The following PLEKHG5 variants were observed in gnomAD, a reference collection of about 807,000 sequenced individuals.
The protein encoded by PLEKHG5 is pleckstrin homology and RhoGEF domain containing G5, also known as pleckstrin homology domain-containing family G member 5.
PLEKHG5 carries 52 observed loss-of-function variants against 103.8 expected under a neutral mutation model. The ratio of observed to expected loss-of-function variants is 0.50; its 90% CI spans 0.40 to 0.63. The LOEUF is 0.63. Among genes scored for constraint, PLEKHG5 ranks in the 30% least tolerant of loss-of-function variants. The pLI is 0.00. For missense variants in PLEKHG5, 1,205 were observed against 1,347.6 expected (o/e 0.89, Z 1.66); for synonymous variants, 592 against 575.5 (o/e 1.03, Z -0.41).
At chr1:6,497,686 G>C (rs1645249365), upstream of PLEKHG5, among the ~76,000 whole-genome samples, 1 of 152,102 alleles carries the variant, frequency 6.6e-6, no homozygotes, top group Admixed American at 6.5e-5. This position sits in a 1 kb window ranked among gnomAD's most constrained non-coding sequence, Gnocchi z 6.1. Flanking sequence ...CAGGAATGCA[G>C]GCCGGGAGCC....
At chr1:6,482,135 C>T (rs940464268) in intron 1 of PLEKHG5, among the ~76,000 whole-genome samples, 2 of 152,064 alleles carry the variant, frequency 1.3e-5, no homozygotes, top group African/African-American at 4.8e-5. Flanking sequence ...GCCTTCCCTC[C>T]CCTCCTGCTA....
rs374745674 is a variant in PLEKHG5 at position 6,505,327 on chromosome 1, G to C, written c.-164-8758C>G. ...GCCTACGGTGCCGACCAGCTGAGCT[G>C]AGCGGACAGAATGGGCATCCGACAG... On this transcript the variant is annotated intron_variant, in intron 1 of 21. Transcript: ENST00000377740. This position sits in a 1 kb window ranked among gnomAD's most constrained non-coding sequence, Gnocchi z 4.2. Among the ~76,000 whole-genome samples, 3 of 152,050 alleles carry C rather than the reference G, an allele frequency of 2.0e-5. No individual in the cohort carries two copies. The highest frequency in any genetic ancestry group is 4.8e-5 in the African/African-American group (2 of 41,388).
chr1:6,474,880 C>T (rs1644712866), intron 5 of PLEKHG5, 167 bp downstream of exon 5: 1 of 735,722 alleles, frequency 1.4e-6, no homozygotes, highest in Non-Finnish European at 2.5e-6. Context: ...CACCGCACTC[C>T]CTCACACTGG....
intron 1 of PLEKHG5, among the ~76,000 whole-genome samples, chr1:6,514,587 C>A (rs1557773764): frequency 6.6e-6 from 1 of 151,386 alleles, no homozygotes; most frequent in African/African-American, 2.4e-5. Context: ...ATGGTGAAAC[C>A]TTGTCTCTAC....
intron 1 of PLEKHG5, among the ~76,000 whole-genome samples, chr1:6,507,268 G>A (rs1046334073): frequency 2.0e-5 from 3 of 152,172 alleles, no homozygotes; most frequent in Non-Finnish European, 4.4e-5. Flanking sequence ...TGAGGAAGCT[G>A]AGGCTCAGCT....
At chr1:6,517,772 G>C (rs952264123) in intron 1 of PLEKHG5, among the ~76,000 whole-genome samples, 1 of 152,174 alleles carries the variant, frequency 6.6e-6, no homozygotes, top group Non-Finnish European at 1.5e-5. Context: ...AAACAGAAGG[G>C]TCCATGGCCC....
At position 6,470,864 on chromosome 1, in the gene PLEKHG5, C is replaced by T; in HGVS notation, c.1413G>A (p.Gln471=). ...TGTCGCTCAGCTTCAGCCTCTGGCA[C>T]TGTGGGTGCTTCTCCGCCCACTGCG... ...AYITWAEKHP[Q]CQRLKLSDML... The change falls in exon 14 of 21, where the codon CAG becomes CAA. Residue 471 remains glutamine (Q), a synonymous_variant. Coordinates refer to ENST00000377728, the MANE Select transcript of PLEKHG5 (RefSeq NM_020631.6). 5 of 1,572,408 alleles carry T rather than the reference C, an allele frequency of 3.2e-6. No individual in the cohort carries two copies. Among genetic ancestry groups the T allele is most frequent in the Non-Finnish European group, 4.3e-6 (5 of 1,158,790 alleles).
At chr1:6,492,501 A>G (rs543732755), upstream of PLEKHG5, among the ~76,000 whole-genome samples, 40 of 152,150 alleles carry the variant, frequency 2.6e-4, no homozygotes, top group Admixed American at 5.9e-4. Flanking sequence ...ACCTGTGTGC[A>G]AGAAGCTGGG....
At chr1:6,503,637 TGACCTTAGGTGATCCACCC>T (rs1645320085) in intron 1 of PLEKHG5, among the ~76,000 whole-genome samples, 1 of 152,160 alleles carries the variant, frequency 6.6e-6, no homozygotes, top group Non-Finnish European at 1.5e-5. Flanking sequence ...CTTGAAGTCC[TGACCTTAGGTGATCCACCC>T]GCCTCGGCCT....
Position 6,505,232 on chromosome 1 carries a change from C to T in PLEKHG5, c.-164-8663G>A, listed in dbSNP as rs1467798787. On this transcript the variant is annotated intron_variant, in intron 1 of 21. Coordinates refer to the PLEKHG5 transcript ENST00000377740. This position sits in a 1 kb window ranked among gnomAD's most constrained non-coding sequence, Gnocchi z 4.2. ...AAGCTCCCTGACAGAGCTAGGTCCC[C>T]AGCCCACAGTGCCGGTCAGCCCACT... is the stretch of plus-strand genomic sequence containing the variant. Among the ~76,000 whole-genome samples, 1 of 152,144 alleles carries T rather than the reference C, an allele frequency of 6.6e-6. No homozygotes were observed. Among genetic ancestry groups the T allele is most frequent in the Non-Finnish European group, 1.5e-5 (1 of 68,010 alleles).
At chr1:6,510,197 G>T (rs575030963) in intron 1 of PLEKHG5, among the ~76,000 whole-genome samples, 2 of 152,334 alleles carry the variant, frequency 1.3e-5, no homozygotes, top group East Asian at 1.9e-4. Flanking sequence ...AATCTGGAGA[G>T]AGTGGGCGCT....
chr1:6,504,693 C>T (rs1037613812), intron 1 of PLEKHG5, among the ~76,000 whole-genome samples: 9 of 151,980 alleles, frequency 5.9e-5, no homozygotes, highest in South Asian at 4.2e-4. Context: ...CCTCAGCCTC[C>T]GGAGTAACTG....
chr1:6,506,417 T>TCCCGG (rs1202323037), intron 1 of PLEKHG5, among the ~76,000 whole-genome samples: 6 of 152,050 alleles, frequency 3.9e-5, no homozygotes, highest in African/African-American at 1.4e-4. Context: ...AATTTCGCCT[T>TCCCGG]CCCGGCCCCC....
At chr1:6,499,137 CTG>C (rs1317557571), upstream of PLEKHG5, among the ~76,000 whole-genome samples, 3 of 152,210 alleles carry the variant, frequency 2.0e-5, no homozygotes, top group Non-Finnish European at 4.4e-5. Flanking sequence ...TCTCAAAACT[CTG>C]AGCCTGGGGT....
intron 1 of PLEKHG5, among the ~76,000 whole-genome samples, chr1:6,479,662 G>A (rs1469684348): frequency 6.6e-6 from 1 of 151,966 alleles, no homozygotes; most frequent in East Asian, 1.9e-4. Context: ...GCCCAGGCTG[G>A]AGTAGTATGG....
At chr1:6,474,300 C>A in intron 6 of PLEKHG5, 136 bp from the exon 7 acceptor site, 1 of 1,326,150 alleles carries the variant, frequency 7.5e-7, no homozygotes, top group Non-Finnish European at 1.1e-6. Context: ...CAGCACCCTC[C>A]CCTCCCCCAG....
rs1361958185 is a variant in PLEKHG5 at position 6,517,522 on chromosome 1, C to T, written c.-165+1923G>A. 2.0e-5 allele frequency among the ~76,000 whole-genome samples: 3 copies of T among 152,134 alleles called. No individual in the cohort carries two copies. The East Asian group carries it at 5.8e-4, about 29-fold the overall frequency. On this transcript the variant is annotated intron_variant, in intron 1 of 21. Coordinates refer to the PLEKHG5 transcript ENST00000377740. ...TTACTATGTGAGTGCTAGGGGCTCA[C>T]ATGTCAACATGCTGTCGCTGTCACT...
At position 6,476,025 on chromosome 1, in the gene PLEKHG5, C is replaced by T. The variant is rs770387842; in HGVS notation, c.55G>A (p.Ala19Thr). Residue 19 changes from alanine (A) to threonine (T), a missense_variant, in exon 3 of 21, where the codon GCC becomes ACC. Transcript: ENST00000377728. ...FDLPPQGSVL[A>T]RNVSTRSCPP... is the part of the protein sequence containing the mutation. The stretch of plus-strand genomic sequence containing the variant: ...CATGACCGGGTGGACACGTTCCGGG[C>T]CAGCACAGAGCCTTGGGAGAAAGCA... The T allele has an allele frequency of 6.2e-7, 1 of 1,613,288 alleles. No homozygotes were observed. The highest frequency in any genetic ancestry group is 8.5e-7 in the Non-Finnish European group (1 of 1,179,984).
At position 6,468,709 on chromosome 1, in the gene PLEKHG5, G is replaced by GGCA. The variant is rs1425621252; in HGVS notation, c.2250-126_2250-124dup. ...CTCCTGGGGCTGGAGGCTCAGAGATGGCAGCATGTGGCAGGTGTGGCAGAT... is the reference window on the plus strand; with the variant it reads ...CTCCTGGGGCTGGAGGCTCAGAGATGGCAGCAGCATGTGGCAGGTGTGGCAGAT... On this transcript the variant is annotated intron_variant, in intron 19 of 20. Transcript: ENST00000377728. 3.0e-6 allele frequency: 3 copies of GGCA among 987,162 alleles called. No homozygotes were observed. The African/African-American group carries it at 4.8e-5, about 16-fold the overall frequency. 61.2% of individuals were successfully genotyped at this position (987,162 alleles called of 1,614,324 possible).
Sources: allele counts gnomAD v4.1 joint callset (sites outside exome capture counted in the v4.1 genomes callset), GRCh38; gene constraint gnomAD v4.1.1; non-coding constraint Gnocchi (gnomAD v3.1); transcripts MANE v1.5; gene names NCBI Gene and HGNC (gene_info 2026-07-23, HGNC 2026-07-21).